The following RELT variants were observed in gnomAD, a reference collection of about 807,000 sequenced individuals.
The protein encoded by RELT is tumor necrosis factor receptor superfamily member 19L.
Under a neutral mutation model 51.1 loss-of-function variants are expected in RELT, and 37 were observed. The observed-to-expected ratio is 0.72, with a 90% CI of 0.56 to 0.95. The LOEUF (loss-of-function observed/expected upper bound fraction) is 0.95, where lower values mean the gene tolerates loss of function less well. Ranked by LOEUF, RELT falls within the 40% of genes least tolerant of loss-of-function variation. RELT has a pLI of 0.00. For missense variants in RELT, 535 were observed against 572.6 expected, an observed-to-expected ratio of 0.93 and a Z score of 0.67; for synonymous variants, 241 against 235.7, an observed-to-expected ratio of 1.02 and a Z score of -0.21.
At chr11:73,382,665 C>G (rs527849526) in intron 1 of RELT, among the ~76,000 whole-genome samples, 1 of 152,172 alleles carries the variant, frequency 6.6e-6, no homozygotes, top group African/African-American at 2.4e-5. Context: ...GAAGTTGTTA[C>G]AGGCTACCAC....
intron 1 of RELT, among the ~76,000 whole-genome samples, chr11:73,387,291 C>G (rs1007709825): frequency 3.9e-5 from 6 of 152,128 alleles, no homozygotes; most frequent in African/African-American, 7.2e-5. Flanking sequence ...GTAGTCAGGC[C>G]TAGTGGGGAA....
chr11:73,395,479 C>T lies in RELT; in HGVS notation c.1281C>T (p.Asn427=). ...NRYVVRLSES[N]LVI Reference sequence around the variant, plus strand: ...ATGTGGTCCGGCTAAGTGAGAGCAACCTGGTCATCTGAGGGGCGGTCTAGT... The same window carrying T: ...ATGTGGTCCGGCTAAGTGAGAGCAATCTGGTCATCTGAGGGGCGGTCTAGT... Residue 427 remains asparagine (N), a synonymous_variant, in exon 11 of 11, where the codon AAC becomes AAT. Transcript: ENST00000064780. 1.3e-6 allele frequency: 1 copy of T among 798,232 alleles called. No homozygotes were observed. The highest frequency in any genetic ancestry group is 1.3e-5 in the South Asian group (1 of 74,930). 49.4% of individuals were successfully genotyped at this position (798,232 alleles called of 1,614,324 possible). A position where few individuals can be genotyped will look rare whatever the true frequency, so the allele number is the denominator to read the frequency against.
Position 73,390,842 on chromosome 11 carries a change from C to T in RELT, c.208C>T (p.Arg70Cys), listed in dbSNP as rs760051787. The change falls in exon 4 of 11, where the codon CGT (arginine) becomes TGT (cysteine). Residue 70 changes from arginine (R) to cysteine (C), a missense_variant. Arg to Cys is a radical substitution (Grantham distance 180). Coordinates refer to ENST00000064780, the MANE Select transcript of RELT (RefSeq NM_152222.2). Reference sequence around the variant, plus strand: ...CTCCAGCCCATGCCAGCCCCATGCCCGTTGCAGCCTTTGGAGGAGGCTGGA... The same window carrying T: ...CTCCAGCCCATGCCAGCCCCATGCCTGTTGCAGCCTTTGGAGGAGGCTGGA... The part of the protein sequence containing the change: ...WGSSPCQPHA[R>C]CSLWRRLEAQ... The T allele has an allele frequency of 2.5e-6, 4 of 1,612,692 alleles. No individual in the cohort carries two copies. The highest frequency in any genetic ancestry group is 3.4e-6 in the Non-Finnish European group (4 of 1,179,734).
In RELT at chr11:73,388,678, C is replaced by CG. The variant is rs1470636364; in HGVS notation, c.-25-428dup. Among the ~76,000 whole-genome samples, 2 of 152,282 alleles carry CG rather than the reference C, an allele frequency of 1.3e-5. No individual in the cohort carries two copies. The highest frequency in any genetic ancestry group is 6.5e-5 in the Admixed American group (1 of 15,296). On this transcript the variant is annotated intron_variant, in intron 1 of 10. Transcript: ENST00000064780. This position sits in a 1 kb window ranked among gnomAD's most constrained non-coding sequence, Gnocchi z 4.1. ...TGCTTGCAGACCTGTGAGGAGGAGG[C>CG]GGGGGGAGCCTGAGCCTGGAGCGCT...
In RELT at chr11:73,394,767, A is replaced by G. The variant is rs372922915; in HGVS notation, c.1046+33A>G. The G allele has an allele frequency of 8.6e-5, 137 of 1,593,738 alleles. No individual in the cohort carries two copies. Among genetic ancestry groups the G allele is most frequent in the Non-Finnish European group, 1.1e-4 (131 of 1,173,300 alleles). On this transcript the variant is annotated intron_variant, in intron 9 of 10. Transcript: ENST00000064780. This position sits in a 1 kb window ranked among gnomAD's most constrained non-coding sequence, Gnocchi z 4.9. Reference sequence around the variant, plus strand: ...GGGCACAGATGCAGCAGGGGCAGGTAAAGACGTGACAGCCTGGGGGCCGGG... The same window carrying G: ...GGGCACAGATGCAGCAGGGGCAGGTGAAGACGTGACAGCCTGGGGGCCGGG...
chr11:73,385,529 T>G (rs544380374), intron 1 of RELT, among the ~76,000 whole-genome samples: 2 of 152,138 alleles, frequency 1.3e-5, no homozygotes, highest in Non-Finnish European at 2.9e-5. Flanking sequence ...CTTGGAGGCC[T>G]CCCGCTTCAG....
chr11:73,393,832 C>G lies in RELT; in HGVS notation c.626-5C>G. The G allele has an allele frequency of 6.2e-7, 1 of 1,613,886 alleles. No homozygotes were observed. Among genetic ancestry groups the G allele is most frequent in the South Asian group, 1.1e-5 (1 of 91,066 alleles). On this transcript the variant is annotated splice_polypyrimidine_tract_variant and splice_region_variant and intron_variant, in intron 6 of 10. Transcript: ENST00000064780. ...CCCCAGGATCAGGGCCCTTCTCTTC[C>G]CCAGGAATCAACCCTGCCTACCGGA...
At chr11:73,384,160 C>A (rs561018415) in intron 1 of RELT, among the ~76,000 whole-genome samples, 1 of 152,176 alleles carries the variant, frequency 6.6e-6, no homozygotes, top group Non-Finnish European at 1.5e-5. Context: ...CCTGGGGAGC[C>A]TGCTGAGACC....
Position 73,395,396 on chromosome 11 carries a change from A to G in RELT, c.1246-48A>G, listed in dbSNP as rs755352630. On this transcript the variant is annotated intron_variant, in intron 10 of 10. Coordinates refer to ENST00000064780, the MANE Select transcript of RELT (RefSeq NM_152222.2). ...AGGCAGGGGCCACTTTCCTGGAGCCAGAAGCCAGCCCCTGACTCAGCTCTG... is the reference window on the plus strand; with the variant it reads ...AGGCAGGGGCCACTTTCCTGGAGCCGGAAGCCAGCCCCTGACTCAGCTCTG... 4.0e-6 allele frequency: 5 copies of G among 1,251,094 alleles called. No individual in the cohort carries two copies. The South Asian group carries it at 6.0e-5, about 15-fold the overall frequency. 77.5% of individuals were successfully genotyped at this position (1,251,094 alleles called of 1,614,324 possible). A position where few individuals can be genotyped will look rare whatever the true frequency, so the allele number is the denominator to read the frequency against.
chr11:73,390,444 C>A, intron 2 of RELT, 107 bp from the exon 3 acceptor site: 1 of 1,014,494 alleles, frequency 9.9e-7, no homozygotes, highest in Non-Finnish European at 1.5e-6. Context: ...GTGGGGTAGT[C>A]AGTGGTCCCT....
In RELT at chr11:73,392,617, G is replaced by T. The variant is rs1041433997; in HGVS notation, c.625+149G>T. ...TGATAGCTGCAGACTGACAACATGG[G>T]AGGAAAGGTAAGGGGACGAAGGTGT... is the stretch of plus-strand genomic sequence containing the variant. On this transcript the variant is annotated intron_variant, in intron 6 of 10. Transcript: ENST00000064780. 37 of 1,408,296 alleles carry T rather than the reference G, an allele frequency of 2.6e-5. No individual in the cohort carries two copies. The African/African-American group carries it at 5.3e-4, about 20-fold the overall frequency. The allele number at this position is 1,408,296 out of a possible 1,614,324, so 87.2% of individuals were successfully genotyped here.
chr11:73,393,725 A>G (rs776412980), intron 6 of RELT, 112 bp from the exon 7 acceptor site: 5 of 1,561,616 alleles, frequency 3.2e-6, no homozygotes, highest in Admixed American at 1.7e-5. Context: ...CTAAATGCAC[A>G]TGCTCAGGGC....
chr11:73,386,112 T>A (rs1367676739), intron 1 of RELT, among the ~76,000 whole-genome samples: 2 of 152,180 alleles, frequency 1.3e-5, no homozygotes, highest in Non-Finnish European at 2.9e-5. Context: ...ATGAGAAAAC[T>A]GAGACCCAGT....
At position 73,395,785 on chromosome 11, in the gene RELT, C is replaced by T. The variant is rs929251758; in HGVS notation, c.*294C>T. On this transcript the variant is annotated 3_prime_UTR_variant, in exon 11 of 11. Coordinates refer to ENST00000064780, the MANE Select transcript of RELT (RefSeq NM_152222.2). ...GCCCTGGCTGGATCCTAGGAGCCCA[C>T]GGGATTCTCTGTATCATCAGAGGCT... The T allele has an allele frequency of 7.8e-6, 4 of 514,866 alleles. No individual in the cohort carries two copies. The highest frequency in any genetic ancestry group is 1.0e-5 in the Non-Finnish European group (3 of 285,898). 31.9% of individuals were successfully genotyped at this position (514,866 alleles called of 1,614,324 possible).
chr11:73,383,277 A>G (rs1866076233), intron 1 of RELT, among the ~76,000 whole-genome samples: 1 of 152,230 alleles, frequency 6.6e-6, no homozygotes, highest in African/African-American at 2.4e-5. Flanking sequence ...TTCCAGCAGC[A>G]GCCCTAGTAA....
intron 3 of RELT, 35 bp downstream of exon 3, chr11:73,390,660 AG>A (rs1212968070): frequency 6.2e-7 from 1 of 1,611,662 alleles, no homozygotes. Context: ...CTGTCCTGGG[AG>A]GGCCCTGAGG....
rs1050743 is a variant in RELT at position 73,396,556 on chromosome 11, C to T, written c.*1065C>T. The T allele has an allele frequency of 6.6e-6, 1 of 152,310 alleles. No individual in the cohort carries two copies. The highest frequency in any genetic ancestry group is 1.5e-5 in the Non-Finnish European group (1 of 68,072). 9.4% of individuals were successfully genotyped at this position (152,310 alleles called of 1,614,324 possible). A position where few individuals can be genotyped will look rare whatever the true frequency, so the allele number is the denominator to read the frequency against. On this transcript the variant is annotated 3_prime_UTR_variant, in exon 11 of 11. Coordinates refer to ENST00000064780, the MANE Select transcript of RELT (RefSeq NM_152222.2). ...GGCCCACTGCCTGTCCATCCTGTTTCTCTTATTTATTGAAACTCACCATTG... is the reference window on the plus strand; with the variant it reads ...GGCCCACTGCCTGTCCATCCTGTTTTTCTTATTTATTGAAACTCACCATTG...
chr11:73,388,733 G>A lies in RELT; in HGVS notation c.-25-379G>A, dbSNP rs1281601421. ...TGGAGTGTGGAGGCCGGGCTGGGGTGTTGGGTGTTGGTTGCAACCCTGTCA... is the reference window on the plus strand; with the variant it reads ...TGGAGTGTGGAGGCCGGGCTGGGGTATTGGGTGTTGGTTGCAACCCTGTCA... On this transcript the variant is annotated intron_variant, in intron 1 of 10. Coordinates refer to ENST00000064780, the MANE Select transcript of RELT (RefSeq NM_152222.2). The surrounding 1 kb of genome is among the most constrained non-coding windows in gnomAD (Gnocchi z 4.1). Among the ~76,000 whole-genome samples, 1 of 152,216 alleles carries A rather than the reference G, an allele frequency of 6.6e-6. No homozygotes were observed. Among genetic ancestry groups the A allele is most frequent in the African/African-American group, 2.4e-5 (1 of 41,448 alleles).
chr11:73,387,223 G>A (rs896389439), intron 1 of RELT, among the ~76,000 whole-genome samples: 5 of 152,298 alleles, frequency 3.3e-5, no homozygotes, highest in Non-Finnish European at 4.4e-5. Flanking sequence ...GATTACAGGC[G>A]TGAGCCACCA....
Sources: allele counts gnomAD v4.1 joint callset (sites outside exome capture counted in the v4.1 genomes callset), GRCh38; gene constraint gnomAD v4.1.1; non-coding constraint Gnocchi (gnomAD v3.1); transcripts MANE v1.5; gene names NCBI Gene and HGNC (gene_info 2026-07-23, HGNC 2026-07-21).